PRORP: variants seen among roughly 807,000 people sequenced by gnomAD.
PRORP encodes protein only RNase P catalytic subunit, also known as mitochondrial ribonuclease P catalytic subunit.
A neutral mutation model predicts 59.4 loss-of-function variants in PRORP; 51 were observed. The ratio of observed to expected loss-of-function variants is 0.86; its 90% CI spans 0.69 to 1.08. The LOEUF is 1.08. Ranked by LOEUF, PRORP falls within the 50% of genes least tolerant of loss-of-function variation. PRORP has a pLI of 0.00. For missense variants in PRORP, 646 were observed against 690.3 expected (o/e 0.94, Z 0.72); for synonymous variants, 231 against 245.6 (o/e 0.94, Z 0.55).
chr14:35,207,051 G>A (rs571709518), intron 5 of PRORP, among the ~76,000 whole-genome samples: 1 of 152,006 alleles, frequency 6.6e-6, no homozygotes, highest in South Asian at 2.1e-4. Context: ...TCACATGGAG[G>A]CCTCTCTTTT....
chr14:35,266,958 T>A, intron 6 of PRORP, 83 bp downstream of exon 6: 1 of 1,411,460 alleles, frequency 7.1e-7, no homozygotes, highest in Non-Finnish European at 9.8e-7. Flanking sequence ...AACCTATCTT[T>A]TAAATGCATG....
chr14:35,174,655 G>C (rs546984757), intron 4 of PRORP, among the ~76,000 whole-genome samples: 1 of 151,982 alleles, frequency 6.6e-6, no homozygotes, highest in South Asian at 2.1e-4. Flanking sequence ...TTTCAGCACG[G>C]TTGTACTGGT....
intron 4 of PRORP, among the ~76,000 whole-genome samples, chr14:35,172,857 C>T (rs573905014): frequency 6.1e-5 from 9 of 147,866 alleles, no homozygotes; most frequent in South Asian, 2.2e-4. Flanking sequence ...TGAGCCACTG[C>T]GCCCAGCCAG....
chr14:35,157,268 A>G (rs2047940400), intron 4 of PRORP, among the ~76,000 whole-genome samples: 2 of 151,828 alleles, frequency 1.3e-5, no homozygotes, highest in African/African-American at 4.8e-5. Context: ...CATTTTTTTC[A>G]AAATATACTT....
chr14:35,192,703 G>A (rs183729554), intron 5 of PRORP, among the ~76,000 whole-genome samples: 152 of 152,190 alleles, frequency 1.0e-3, no homozygotes, highest in Middle Eastern at 3.4e-3. Flanking sequence ...AAAACAAAAG[G>A]AGGGGCCGGG....
chr14:35,242,874 T>C (rs1378605125), intron 5 of PRORP, among the ~76,000 whole-genome samples: 1 of 152,182 alleles, frequency 6.6e-6, no homozygotes, highest in East Asian at 1.9e-4. Flanking sequence ...TCCCCAAAGA[T>C]TGGAGCAAAT....
chr14:35,166,442 C>T (rs892667479), intron 4 of PRORP, among the ~76,000 whole-genome samples: 3 of 133,748 alleles, frequency 2.2e-5, no homozygotes, highest in Non-Finnish European at 1.5e-5. Flanking sequence ...ATGCTTTTAT[C>T]TGAATCTTTT....
Position 35,226,487 on chromosome 14 carries a change from C to T in PRORP, c.1276-40240C>T, listed in dbSNP as rs1285394469. On this transcript the variant is annotated intron_variant, in intron 5 of 7. Coordinates refer to ENST00000534898, the MANE Select transcript of PRORP (RefSeq NM_014672.4). ...TCTTGGCAGGTTAGACTTTGATAAT[C>T]AGATTTGGAGAGTGGAAAAGGGGCT... Among the ~76,000 whole-genome samples the T allele has an allele frequency of 2.6e-5, 4 of 152,234 alleles. No individual in the cohort carries two copies. The South Asian group carries it at 6.2e-4, about 24-fold the overall frequency.
At position 35,123,729 on chromosome 14, in the gene PRORP, C is replaced by G; in HGVS notation, c.484C>G (p.Leu162Val). The G allele has an allele frequency of 6.2e-7, 1 of 1,614,228 alleles. No homozygotes were observed. The highest frequency in any genetic ancestry group is 8.5e-7 in the Non-Finnish European group (1 of 1,180,044). ...CTCTATAGATGTGGCTAAATCTCTG[C>G]TGGCATGGGTAGCAGCCAAAAATAA... ...HSSIDVAKSL[L>V]AWVAAKNNGI... Residue 162 changes from leucine to valine, a missense_variant, in exon 2 of 8, where the codon CTG becomes GTG. Transcript: ENST00000534898.
intron 4 of PRORP, among the ~76,000 whole-genome samples, chr14:35,174,702 A>C (rs73236939): frequency 1.3e-5 from 2 of 151,434 alleles, no homozygotes; most frequent in Non-Finnish European, 2.9e-5. Flanking sequence ...TCCTTGGCCT[A>C]CAGAACAGGA....
chr14:35,261,823 C>A (rs1177871347), intron 5 of PRORP, among the ~76,000 whole-genome samples: 4 of 152,176 alleles, frequency 2.6e-5, no homozygotes, highest in Non-Finnish European at 5.9e-5. Flanking sequence ...GAAGTGGGTT[C>A]ATGGCTGGAC....
At chr14:35,221,356 A>T (rs2049777424) in intron 5 of PRORP, among the ~76,000 whole-genome samples, 1 of 152,260 alleles carries the variant, frequency 6.6e-6, no homozygotes, top group African/African-American at 2.4e-5. Context: ...AGACATGATC[A>T]GTATAATTGG....
At chr14:35,269,019 T>A (rs147019369) in intron 6 of PRORP, among the ~76,000 whole-genome samples, 59 of 152,208 alleles carry the variant, frequency 3.9e-4, no homozygotes, top group African/African-American at 1.4e-3. Context: ...TGCTTCCATT[T>A]CTCCAAGAGC....
chr14:35,182,004 C>T (rs998071613), intron 5 of PRORP, among the ~76,000 whole-genome samples: 1 of 151,998 alleles, frequency 6.6e-6, no homozygotes, highest in Non-Finnish European at 1.5e-5. Context: ...TGGGTCACAC[C>T]TGTAATCCCA....
chr14:35,224,003 A>G (rs950034566), intron 5 of PRORP, among the ~76,000 whole-genome samples: 3 of 152,184 alleles, frequency 2.0e-5, no homozygotes, highest in East Asian at 3.9e-4. Context: ...ATGCTGTCAT[A>G]TATCTAATAA....
chr14:35,251,859 A>G (rs1472864763), intron 5 of PRORP, among the ~76,000 whole-genome samples: 1 of 152,052 alleles, frequency 6.6e-6, no homozygotes, highest in African/African-American at 2.4e-5. Flanking sequence ...TGGCTGTTTA[A>G]TATTTTTGTT....
rs1039481251 is a variant in PRORP, at chr14:35,141,263, GTTTT to G, written c.1167+13653_1167+13656del. ...TTTTTTTTTTTGTTTTTGTTTGTTT[GTTTT>G]GTTTTGTTTTTTGAGACAAGTTCTT... On this transcript the variant is annotated intron_variant, in intron 4 of 7. Transcript: ENST00000534898. 5.3e-5 allele frequency among the ~76,000 whole-genome samples: 7 copies of G among 131,252 alleles called. 1 individual carries two copies. The highest frequency in any genetic ancestry group is 1.2e-4 in the Non-Finnish European group (7 of 60,098). 86.1% of individuals were successfully genotyped at this position (131,252 alleles called of 152,430 possible).
At chr14:35,259,258 A>G (rs552854292) in intron 5 of PRORP, among the ~76,000 whole-genome samples, 29 of 152,226 alleles carry the variant, frequency 1.9e-4, no homozygotes, top group African/African-American at 2.9e-4. Context: ...TAATATTAAT[A>G]TAGCCACTCC....
intron 6 of PRORP, among the ~76,000 whole-genome samples, chr14:35,269,406 T>G (rs1046064497): frequency 5.3e-5 from 8 of 152,214 alleles, no homozygotes; most frequent in Non-Finnish European, 1.2e-4. Flanking sequence ...CAGCTGAAAT[T>G]CCAAACTCAG....
Sources: gnomAD v4.1 joint callset for allele counts (sites outside exome capture counted in the v4.1 genomes callset) on GRCh38, gnomAD v4.1.1 for gene constraint, MANE v1.5 for transcripts, NCBI Gene and HGNC (gene_info 2026-07-23, HGNC 2026-07-21) for gene names.